The following SEL1L variants were observed in gnomAD, a reference collection of about 807,000 sequenced individuals.
SEL1L encodes the protein SEL1L adaptor subunit of SYVN1 ubiquitin ligase, also known as protein sel-1 homolog 1.
In SEL1L, 52 loss-of-function variants were observed where a neutral mutation model predicts 109.8. The ratio of observed to expected loss-of-function variants is 0.47; its 90% CI spans 0.38 to 0.60. SEL1L has a LOEUF of 0.60. SEL1L is among the 20% of genes least tolerant of loss of function. SEL1L has a pLI of 0.00. For missense variants in SEL1L, 749 were observed against 962.2 expected, an observed-to-expected ratio of 0.78 and a Z score of 2.93; for synonymous variants, 373 against 339.6, an observed-to-expected ratio of 1.10 and a Z score of -1.08.
At chr14:81,493,208 A>G (rs1883614775) in intron 11 of SEL1L, among the ~76,000 whole-genome samples, 1 of 151,938 alleles carries the variant, frequency 6.6e-6, no homozygotes, top group Non-Finnish European at 1.5e-5. Context: ...CTATAATCTC[A>G]TCATCAAAAA....
At chr14:81,496,402 T>C (rs1883751852) in intron 10 of SEL1L, among the ~76,000 whole-genome samples, 1 of 152,048 alleles carries the variant, frequency 6.6e-6, no homozygotes. Context: ...ATGGGTGCTC[T>C]TCAGAAAAAA....
At chr14:81,496,798 AT>A (rs1883772005) in intron 10 of SEL1L, among the ~76,000 whole-genome samples, 2 of 152,256 alleles carry the variant, frequency 1.3e-5, no homozygotes, top group African/African-American at 4.8e-5. Flanking sequence ...GTAAATTAAT[AT>A]GGACTGTACA....
intron 3 of SEL1L, among the ~76,000 whole-genome samples, chr14:81,513,694 C>T (rs1884580579): frequency 6.6e-6 from 1 of 152,270 alleles, no homozygotes; most frequent in East Asian, 1.9e-4. Flanking sequence ...TTAAAAGCGA[C>T]TAGCGCGGCC....
intron 19 of SEL1L, 142 bp from the exon 20 acceptor site, chr14:81,479,882 T>C (rs967862557): frequency 2.8e-5 from 21 of 738,534 alleles, no homozygotes; most frequent in Non-Finnish European, 4.0e-5. Context: ...AATGCCAAGC[T>C]TTACTTGGGT....
intron 14 of SEL1L, chr14:81,488,779 G>A: frequency 5.2e-6 from 1 of 192,254 alleles, no homozygotes; most frequent in Non-Finnish European, 1.0e-5. Context: ...GCAGAAGTTC[G>A]ATTGCTAAGA....
At chr14:81,526,125 A>G (rs1885103044) in intron 3 of SEL1L, among the ~76,000 whole-genome samples, 1 of 152,192 alleles carries the variant, frequency 6.6e-6, no homozygotes, top group Non-Finnish European at 1.5e-5. Context: ...AAATGACAGA[A>G]GGGCAACAAG....
At chr14:81,477,519 A>C (rs767391633) in intron 20 of SEL1L, among the ~76,000 whole-genome samples, 2 of 152,142 alleles carry the variant, frequency 1.3e-5, no homozygotes, top group Admixed American at 1.3e-4. Context: ...AACAAAACAA[A>C]ACAACACTGG....
chr14:81,503,246 G>A (rs1260627844), intron 5 of SEL1L, among the ~76,000 whole-genome samples: 2 of 152,122 alleles, frequency 1.3e-5, no homozygotes, highest in Non-Finnish European at 2.9e-5. Flanking sequence ...CAAAGTGTTG[G>A]GATTACAGGC....
chr14:81,514,096 G>A (rs762932794), intron 3 of SEL1L, among the ~76,000 whole-genome samples: 1 of 152,190 alleles, frequency 6.6e-6, no homozygotes, highest in Non-Finnish European at 1.5e-5. Context: ...ATGATTTCTA[G>A]TATATACTCC....
chr14:81,526,005 T>C (rs1885097910), intron 3 of SEL1L, among the ~76,000 whole-genome samples: 2 of 152,132 alleles, frequency 1.3e-5, no homozygotes, highest in Admixed American at 1.3e-4. Flanking sequence ...AATGGTATAT[T>C]TGTAGTAAAA....
At chr14:81,525,417 A>C (rs1231141566) in intron 3 of SEL1L, among the ~76,000 whole-genome samples, 1 of 150,868 alleles carries the variant, frequency 6.6e-6, no homozygotes, top group Non-Finnish European at 1.5e-5. Flanking sequence ...AAAATATAAA[A>C]ACTAAAAAAA....
At chr14:81,484,171 T>C (rs1903447760) in intron 19 of SEL1L, 54 bp downstream of exon 19, 3 of 1,532,368 alleles carry the variant, frequency 2.0e-6, no homozygotes, top group Non-Finnish European at 2.7e-6. Context: ...CAAATGCAAG[T>C]ATTTTCCCCA....
intron 17 of SEL1L, 51 bp from the exon 18 acceptor site, chr14:81,485,797 G>T: frequency 6.7e-7 from 1 of 1,498,338 alleles, no homozygotes; most frequent in Non-Finnish European, 9.3e-7. Flanking sequence ...AAAGGCACTA[G>T]ACTTAATTTT....
chr14:81,510,514 C>CTCTA (rs35474067), intron 3 of SEL1L, among the ~76,000 whole-genome samples: 2,782 of 103,954 alleles, frequency 0.027, 47 homozygotes, highest in Middle Eastern at 0.037. Flanking sequence ...CTCTCTCTCT[C>CTCTA]TATATATATA....
intron 10 of SEL1L, among the ~76,000 whole-genome samples, chr14:81,495,898 T>C (rs568964440): frequency 1.3e-5 from 2 of 152,224 alleles, no homozygotes; most frequent in South Asian, 2.1e-4. Context: ...ATCGTGCCAC[T>C]GCACTCCATC....
At chr14:81,509,979 C>T (rs554816678) in intron 3 of SEL1L, among the ~76,000 whole-genome samples, 1 of 152,156 alleles carries the variant, frequency 6.6e-6, no homozygotes, top group Non-Finnish European at 1.5e-5. Context: ...AAACGAAAAC[C>T]GGGGCATCGT....
At position 81,472,015 on chromosome 14, in the gene SEL1L, A is replaced by G. The variant is rs1903027225; in HGVS notation, c.*4957T>C. On this transcript the variant is annotated 3_prime_UTR_variant, in exon 21 of 21. Coordinates refer to ENST00000336735, the MANE Select transcript of SEL1L (RefSeq NM_005065.6). ...TTTTTTACTTGCATCTAATTTGTGT[A>G]TCTGCTGTAACTTAATCTAAGCATA... 6.6e-6 allele frequency: 1 copy of G among 152,182 alleles called. No homozygotes were observed. The highest frequency in any genetic ancestry group is 2.1e-4 in the South Asian group (1 of 4,832). The allele number at this position is 152,182 out of a possible 1,614,324, so 9.4% of individuals were successfully genotyped here. A position where few individuals can be genotyped will look rare whatever the true frequency, so the allele number is the denominator to read the frequency against.
chr14:81,482,507 A>C (rs1021402859), intron 19 of SEL1L, among the ~76,000 whole-genome samples: 13 of 152,150 alleles, frequency 8.5e-5, no homozygotes. Flanking sequence ...CCCCATCTCC[A>C]TTTAAAAAAA....
At chr14:81,505,020 AT>A (rs1566978274) in intron 4 of SEL1L, among the ~76,000 whole-genome samples, 1 of 152,176 alleles carries the variant, frequency 6.6e-6, no homozygotes, top group African/African-American at 2.4e-5. Flanking sequence ...AGTCTCAGGT[AT>A]TTCCTTACAG....
Sources: allele counts gnomAD v4.1 joint callset (sites outside exome capture counted in the v4.1 genomes callset), GRCh38; gene constraint gnomAD v4.1.1; transcripts MANE v1.5; gene names NCBI Gene and HGNC (gene_info 2026-07-23, HGNC 2026-07-21).